The following SKI variants were observed in gnomAD, a reference collection of about 807,000 sequenced individuals.
The protein encoded by SKI is SKI proto-oncogene, also known as ski oncogene.
A neutral mutation model predicts 59.3 loss-of-function variants in SKI; 23 were observed. That is an observed-to-expected ratio of 0.39 (90% CI 0.28 to 0.55). The LOEUF (loss-of-function observed/expected upper bound fraction) is 0.55, where lower values mean the gene tolerates loss of function less well. Ranked by LOEUF, SKI falls within the 20% of genes least tolerant of loss-of-function variation. SKI has a pLI of 0.67. For synonymous variants in SKI, 673 were observed against 488.6 expected, an observed-to-expected ratio of 1.38 and a Z score of -4.98; for missense variants, 1,017 against 1,038.9, an observed-to-expected ratio of 0.98 and a Z score of 0.29.
intron 1 of SKI, among the ~76,000 whole-genome samples, chr1:2,278,341 G>T (rs3795275): frequency 6.6e-6 from 1 of 152,198 alleles, no homozygotes; most frequent in Admixed American, 6.5e-5. Flanking sequence ...GCTGTGAGAC[G>T]CAGGAGCCCT....
At chr1:2,230,185 C>T (rs1470485987) in intron 1 of SKI, among the ~76,000 whole-genome samples, 1 of 152,248 alleles carries the variant, frequency 6.6e-6, no homozygotes, top group Non-Finnish European at 1.5e-5. Context: ...GGCACCCAGC[C>T]TCGAAGACGG....
chr1:2,302,361 T>G (rs912321894), intron 1 of SKI, among the ~76,000 whole-genome samples: 6 of 152,172 alleles, frequency 3.9e-5, no homozygotes, highest in Non-Finnish European at 8.8e-5. Context: ...GTGTCCTTCA[T>G]TTTGAAAATG....
chr1:2,294,535 C>T (rs1002525165), intron 1 of SKI, among the ~76,000 whole-genome samples: 12 of 152,336 alleles, frequency 7.9e-5, no homozygotes, highest in African/African-American at 2.4e-4. Context: ...CCCTTGAGCC[C>T]GTTAGCTGTC....
At chr1:2,283,560 ATGT>A (rs1277989367) in intron 1 of SKI, among the ~76,000 whole-genome samples, 3 of 152,160 alleles carry the variant, frequency 2.0e-5, no homozygotes, top group African/African-American at 7.2e-5. Flanking sequence ...CCCTGCTCAG[ATGT>A]TGTACTGCAG....
chr1:2,289,182 G>A (rs565175210), intron 1 of SKI, among the ~76,000 whole-genome samples: 1 of 152,346 alleles, frequency 6.6e-6, no homozygotes, highest in African/African-American at 2.4e-5. Context: ...GCAGAGGCTA[G>A]AGATGCAGCT....
chr1:2,309,860 G>GC lies in SKI; in HGVS notation c.*3102dup, dbSNP rs1159931741. The GC allele has an allele frequency of 1.1e-5, 1 of 86,994 alleles. No homozygotes were observed. Among genetic ancestry groups the GC allele is most frequent in the African/African-American group, 4.8e-5 (1 of 20,828 alleles). 5.4% of individuals were successfully genotyped at this position (86,994 alleles called of 1,614,324 possible). On this transcript the variant is annotated 3_prime_UTR_variant, in exon 7 of 7. Coordinates refer to ENST00000378536, the MANE Select transcript of SKI (RefSeq NM_003036.4). ...CTCCTCCCTGTGGGTCCGAACCCCG[G>GC]CCCCCCCACCCCTCCCTCAGCCCAC...
In SKI at chr1:2,309,953, A is replaced by G. The variant is rs1275498888; in HGVS notation, c.*3188A>G. The G allele has an allele frequency of 1.5e-5, 2 of 130,274 alleles. No homozygotes were observed. Among genetic ancestry groups the G allele is most frequent in the African/African-American group, 5.9e-5 (2 of 33,768 alleles). The allele number at this position is 130,274 out of a possible 1,614,324, so 8.1% of individuals were successfully genotyped here. A position where few individuals can be genotyped will look rare whatever the true frequency, so the allele number is the denominator to read the frequency against. ...CACAAATGACTTTTTTTTTTCAATTAAGGAAAAAGCTCCATCTCTACCTTT... is the reference window on the plus strand; with the variant it reads ...CACAAATGACTTTTTTTTTTCAATTGAGGAAAAAGCTCCATCTCTACCTTT... On this transcript the variant is annotated 3_prime_UTR_variant, in exon 7 of 7. Coordinates refer to ENST00000378536, the MANE Select transcript of SKI (RefSeq NM_003036.4).
At chr1:2,300,883 C>T (rs527819543) in intron 1 of SKI, among the ~76,000 whole-genome samples, 4 of 152,274 alleles carry the variant, frequency 2.6e-5, no homozygotes, top group East Asian at 3.9e-4. Flanking sequence ...GGATTGGGCT[C>T]GGGGCCCCGG....
rs1038645616 is a variant in SKI at position 2,270,360 on chromosome 1, A to T, written c.970-32618A>T. On this transcript the variant is annotated intron_variant, in intron 1 of 6. Coordinates refer to ENST00000378536, the MANE Select transcript of SKI (RefSeq NM_003036.4). The surrounding 1 kb of genome is among the most constrained non-coding windows in gnomAD (Gnocchi z 4.1). ...CGCCACGGCCTGAGGCAGCCGTTGG[A>T]CAGTGCCCATCTTGAATGCAGCCCT... is the stretch of plus-strand genomic sequence containing the variant. Among the ~76,000 whole-genome samples the T allele has an allele frequency of 6.6e-6, 1 of 152,158 alleles. No homozygotes were observed.
chr1:2,233,823 A>G (rs910696689), intron 1 of SKI, among the ~76,000 whole-genome samples: 6 of 152,100 alleles, frequency 3.9e-5, no homozygotes, highest in African/African-American at 1.4e-4. Flanking sequence ...TTAAGCTGAA[A>G]TGATCACAGG....
At chr1:2,240,707 C>T (rs967987220) in intron 1 of SKI, 1 of 985,372 alleles carries the variant, frequency 1.0e-6, no homozygotes, top group Non-Finnish European at 1.2e-6. Context: ...GAGGACAGTT[C>T]TAGATCCAGG....
intron 1 of SKI, among the ~76,000 whole-genome samples, chr1:2,288,755 A>ATTTT (rs1640099269): frequency 6.6e-6 from 1 of 152,022 alleles, no homozygotes; most frequent in Admixed American, 6.6e-5. Flanking sequence ...GCCTGCTGGC[A>ATTTT]TTTTTGGGGT....
Position 2,309,377 on chromosome 1 carries a change from A to G in SKI, c.*2612A>G, listed in dbSNP as rs1557858004. 1 of 152,316 alleles carries G rather than the reference A, an allele frequency of 6.6e-6. No homozygotes were observed. The highest frequency in any genetic ancestry group is 2.4e-5 in the African/African-American group (1 of 41,552). The allele number at this position is 152,316 out of a possible 1,614,324, so 9.4% of individuals were successfully genotyped here. ...GAAAAACAACAGCAATAACATTCAT[A>G]TCTCTGGAGCAGCTAACTCATACAC... is the stretch of plus-strand genomic sequence containing the variant. On this transcript the variant is annotated 3_prime_UTR_variant, in exon 7 of 7. Transcript: ENST00000378536.
chr1:2,229,820 C>G lies in SKI; in HGVS notation c.969+85C>G. ...GACTACAGGCTCTGGTCTCCGAAGG[C>G]TGGGACCTGTGCTTCTGCCGTGCCC... is the stretch of plus-strand genomic sequence containing the variant. On this transcript the variant is annotated intron_variant, in intron 1 of 6. Coordinates refer to ENST00000378536, the MANE Select transcript of SKI (RefSeq NM_003036.4). This position sits in a 1 kb window ranked among gnomAD's most constrained non-coding sequence, Gnocchi z 6.3. The G allele has an allele frequency of 1.9e-6, 3 of 1,544,970 alleles. No homozygotes were observed. The highest frequency in any genetic ancestry group is 1.2e-5 in the South Asian group (1 of 83,140).
At chr1:2,254,869 C>T (rs1417211498) in intron 1 of SKI, among the ~76,000 whole-genome samples, 1 of 152,174 alleles carries the variant, frequency 6.6e-6, no homozygotes, top group African/African-American at 2.4e-5. Context: ...TGGGGGGTTT[C>T]TGAGGGTGGA....
At chr1:2,287,872 C>T (rs574344056) in intron 1 of SKI, among the ~76,000 whole-genome samples, 68 of 152,350 alleles carry the variant, frequency 4.5e-4, no homozygotes, top group East Asian at 1.5e-3. Flanking sequence ...CACCGCCCTC[C>T]GGCCCCACCC....
chr1:2,246,221 GC>G (rs1638991739), intron 1 of SKI, among the ~76,000 whole-genome samples: 1 of 152,162 alleles, frequency 6.6e-6, no homozygotes, highest in Non-Finnish European at 1.5e-5. Context: ...TTTGACAGCG[GC>G]CATCCTAATG....
intron 1 of SKI, among the ~76,000 whole-genome samples, chr1:2,260,192 C>T (rs1240680023): frequency 6.6e-6 from 1 of 152,190 alleles, no homozygotes; most frequent in African/African-American, 2.4e-5. Context: ...CGGGCTTAGG[C>T]GTTCAGCCGT....
chr1:2,261,847 A>ATGGGAGTGG (rs1386649824), intron 1 of SKI, among the ~76,000 whole-genome samples: 74 of 79,198 alleles, frequency 9.3e-4, no homozygotes, highest in African/African-American at 3.5e-3. Flanking sequence ...CAGAGTTTGG[A>ATGGGAGTGG]TGGGAGTGGT....
Sources: allele counts gnomAD v4.1 joint callset (sites outside exome capture counted in the v4.1 genomes callset), GRCh38; gene constraint gnomAD v4.1.1; non-coding constraint Gnocchi (gnomAD v3.1); transcripts MANE v1.5; gene names NCBI Gene and HGNC (gene_info 2026-07-23, HGNC 2026-07-21).